FBXO15: variants seen among roughly 807,000 people sequenced by gnomAD.
FBXO15 encodes F-box only protein 15.
Under a neutral mutation model 49.5 loss-of-function variants are expected in FBXO15, and 30 were observed. That is an observed-to-expected ratio of 0.61 (90% confidence interval 0.45 to 0.82). The LOEUF is 0.82. Among genes scored for constraint, FBXO15 ranks in the 40% least tolerant of loss-of-function variants. The pLI, the probability that FBXO15 is intolerant of heterozygous loss-of-function variation, is 0.00. For missense variants in FBXO15, 591 were observed against 631.5 expected, an observed-to-expected ratio of 0.94 and a Z score of 0.69; for synonymous variants, 250 against 232.7, an observed-to-expected ratio of 1.07 and a Z score of -0.68.
At chr18:74,143,261 A>G (rs955956290) in intron 1 of FBXO15, among the ~76,000 whole-genome samples, 4 of 152,212 alleles carry the variant, frequency 2.6e-5, no homozygotes, top group African/African-American at 9.6e-5. Context: ...TATTTCCTCA[A>G]TAAGAAGCCA....
At chr18:74,091,628 T>G (rs182002209) in intron 8 of FBXO15, among the ~76,000 whole-genome samples, 1 of 152,192 alleles carries the variant, frequency 6.6e-6, no homozygotes, top group South Asian at 2.1e-4. Flanking sequence ...AGGATCTTAT[T>G]TCTCTTTCCC....
rs750901205 is a variant in FBXO15 at position 74,124,472 on chromosome 18, CA to C, written c.995+16del. 1 of 1,602,762 alleles carries C rather than the reference CA, an allele frequency of 6.2e-7. No homozygotes were observed. The highest frequency in any genetic ancestry group is 1.1e-5 in the South Asian group (1 of 90,132). ...TTACTGTACAAAAATTCAACACACC[CA>C]CATATAAATACATACATAGTAGCCG... On this transcript the variant is annotated intron_variant, in intron 7 of 9. Transcript: ENST00000419743.
At chr18:74,120,453 T>C (rs1258214407) in intron 8 of FBXO15, among the ~76,000 whole-genome samples, 1 of 152,168 alleles carries the variant, frequency 6.6e-6, no homozygotes, top group East Asian at 1.9e-4. Flanking sequence ...TTTTTAAAAA[T>C]TCAAGTAATA....
In FBXO15 at chr18:74,130,476, T is replaced by C; in HGVS notation, c.515A>G (p.Asp172Gly). Residue 172 changes from aspartate (D) to glycine (G), a missense_variant, in exon 4 of 10, where the codon GAC (aspartate) becomes GGC (glycine). By Grantham distance (94) the Asp-to-Gly change is moderately conservative. Transcript: ENST00000419743. ...GTAAGGGTTGACAGGTTTGAGAATG[T>C]CAGCTAGTGCGGCTTTTACAGATGC... ...QIASVKAALA[D>G]ILKPVNPYTG... 6.2e-7 allele frequency: 1 copy of C among 1,614,220 alleles called. No homozygotes were observed. The highest frequency in any genetic ancestry group is 1.1e-5 in the South Asian group (1 of 91,086).
chr18:74,145,593 A>AGTTTT (rs1568186088), intron 1 of FBXO15, among the ~76,000 whole-genome samples: 3 of 108,144 alleles, frequency 2.8e-5, no homozygotes, highest in African/African-American at 1.4e-4. Flanking sequence ...AACCAACTGC[A>AGTTTT]CTTTTTTTTT....
At chr18:74,126,232 G>T in intron 5 of FBXO15, 131 bp from the exon 6 acceptor site, 2 of 1,229,242 alleles carry the variant, frequency 1.6e-6, no homozygotes, top group Non-Finnish European at 2.3e-6. Context: ...TAAGTGGCAT[G>T]TTGGCAGGGT....
At chr18:74,117,341 C>A (rs1221545995) in intron 8 of FBXO15, among the ~76,000 whole-genome samples, 2 of 152,094 alleles carry the variant, frequency 1.3e-5, no homozygotes, top group Non-Finnish European at 2.9e-5. Flanking sequence ...TGCGTTATAA[C>A]AACCATATAA....
chr18:74,096,548 G>A (rs1444107129), intron 8 of FBXO15, among the ~76,000 whole-genome samples: 1 of 148,604 alleles, frequency 6.7e-6, no homozygotes, highest in African/African-American at 2.5e-5. Context: ...GCCAGACAGA[G>A]AAGACTGGAA....
At position 74,147,808 on chromosome 18, in the gene FBXO15, G is replaced by A. The variant is rs1053002164; in HGVS notation, c.-23C>T. The A allele has an allele frequency of 4.0e-6, 6 of 1,502,628 alleles. No homozygotes were observed. The African/African-American group carries it at 7.1e-5, about 18-fold the overall frequency. The allele number at this position is 1,502,628 out of a possible 1,614,324, so 93.1% of individuals were successfully genotyped here. A position where few individuals can be genotyped will look rare whatever the true frequency, so the allele number is the denominator to read the frequency against. On this transcript the variant is annotated 5_prime_UTR_variant, in exon 1 of 10. Transcript: ENST00000419743. ...CATAGAGACAAGGAGTTCACCACAG[G>A]ACCGCGCCAGGGCTGAAACGAAGAG...
chr18:74,140,345 A>C (rs1978992297), intron 1 of FBXO15, 33 bp from the exon 2 acceptor site: 1 of 1,525,352 alleles, frequency 6.6e-7, no homozygotes, highest in East Asian at 2.5e-5. Context: ...CAAATTATGT[A>C]ATTACCAAAT....
chr18:74,093,263 T>TGAGGGGG (rs35120126), intron 8 of FBXO15, among the ~76,000 whole-genome samples: 1 of 123,574 alleles, frequency 8.1e-6, no homozygotes, highest in African/African-American at 3.2e-5. Context: ...GGCAAAACAA[T>TGAGGGGG]GGGGGGGGGG....
At chr18:74,132,898 T>C (rs1374854060) in intron 3 of FBXO15, among the ~76,000 whole-genome samples, 1 of 152,196 alleles carries the variant, frequency 6.6e-6, no homozygotes. Flanking sequence ...GAGACAGGGC[T>C]CACACAGAAG....
intron 8 of FBXO15, among the ~76,000 whole-genome samples, chr18:74,088,162 T>C (rs1409677131): frequency 6.6e-6 from 1 of 152,202 alleles, no homozygotes; most frequent in Non-Finnish European, 1.5e-5. Context: ...TAGGTGTCTG[T>C]TTACTTGGTT....
chr18:74,139,796 G>A (rs1279176546), intron 2 of FBXO15, among the ~76,000 whole-genome samples: 1 of 152,154 alleles, frequency 6.6e-6, no homozygotes, highest in Non-Finnish European at 1.5e-5. Flanking sequence ...GGTGCTGAGG[G>A]TCACAGCACA....
chr18:74,089,778 TG>T (rs1406021625), intron 8 of FBXO15, among the ~76,000 whole-genome samples: 1 of 152,196 alleles, frequency 6.6e-6, no homozygotes, highest in Non-Finnish European at 1.5e-5. Context: ...TACTTGATCA[TG>T]GTGGATTAGC....
intron 8 of FBXO15, among the ~76,000 whole-genome samples, chr18:74,117,237 C>T (rs1914270328): frequency 6.6e-6 from 1 of 152,114 alleles, no homozygotes; most frequent in Admixed American, 6.5e-5. Context: ...CTTGGAAATC[C>T]TACTTTGTCA....
chr18:74,103,332 AG>A (rs1913606169), intron 8 of FBXO15, among the ~76,000 whole-genome samples: 1 of 151,800 alleles, frequency 6.6e-6, no homozygotes, highest in Admixed American at 6.6e-5. Context: ...AGAGGAAAAA[AG>A]AAAAAAGAAT....
chr18:74,101,818 T>TA lies in FBXO15; in HGVS notation c.1139-19768dup, dbSNP rs549705578. On this transcript the variant is annotated intron_variant, in intron 8 of 9. Coordinates refer to ENST00000419743, the MANE Select transcript of FBXO15 (RefSeq NM_001142958.2). Reference sequence around the variant, plus strand: ...GAATCCAGAAACAAACCCAAATACTTACAGTCAATTGATCTTGAACAAAGC... The same window carrying TA: ...GAATCCAGAAACAAACCCAAATACTTAACAGTCAATTGATCTTGAACAAAGC... Among the ~76,000 whole-genome samples the TA allele has an allele frequency of 3.9e-5, 6 of 152,200 alleles. No individual in the cohort carries two copies. The East Asian group carries it at 1.2e-3, about 29-fold the overall frequency.
At chr18:74,106,757 T>C (rs767871425) in intron 8 of FBXO15, among the ~76,000 whole-genome samples, 27 of 152,148 alleles carry the variant, frequency 1.8e-4, no homozygotes, top group Non-Finnish European at 3.1e-4. Context: ...CAATCAGATG[T>C]CCTTTTCACC....
Sources: allele counts gnomAD v4.1 joint callset (sites outside exome capture counted in the v4.1 genomes callset), GRCh38; gene constraint gnomAD v4.1.1; transcripts MANE v1.5; gene names NCBI Gene and HGNC (gene_info 2026-07-23, HGNC 2026-07-21).